The following SPIRE2 variants were observed in gnomAD, a reference collection of about 807,000 sequenced individuals.
The protein encoded by SPIRE2 is protein spire homolog 2.
A neutral mutation model predicts 80.7 loss-of-function variants in SPIRE2; 76 were observed. That is an observed-to-expected ratio of 0.94 (90% confidence interval 0.78 to 1.14). The LOEUF (loss-of-function observed/expected upper bound fraction) is 1.14. SPIRE2 is among the 50% of genes most tolerant of loss of function. The pLI, the probability that SPIRE2 is intolerant of heterozygous loss-of-function variation, is 0.00. For missense variants in SPIRE2, 1,196 were observed against 1,015.3 expected, an observed-to-expected ratio of 1.18 and a Z score of -2.42; for synonymous variants, 535 against 432.6, an observed-to-expected ratio of 1.24 and a Z score of -2.94.
Position 89,828,511 on chromosome 16 carries a change from G to C in SPIRE2, c.-40G>C. On this transcript the variant is annotated 5_prime_UTR_variant, in exon 1 of 15. Transcript: ENST00000378247. This position sits in a 1 kb window ranked among gnomAD's most constrained non-coding sequence, Gnocchi z 5.9. Reference sequence around the variant, plus strand: ...GCGCGGCGGAAGGCGCGGCTGCATGGACGCGGGTCCGGCGCGCGGGAGGCG... The same window carrying C: ...GCGCGGCGGAAGGCGCGGCTGCATGCACGCGGGTCCGGCGCGCGGGAGGCG... The C allele has an allele frequency of 2.0e-6, 2 of 1,020,086 alleles. No homozygotes were observed. Among genetic ancestry groups the C allele is most frequent in the Non-Finnish European group, 2.3e-6 (2 of 854,466 alleles). The allele number at this position is 1,020,086 out of a possible 1,614,324, so 63.2% of individuals were successfully genotyped here.
At chr16:89,859,923 G>T (rs1425809893) in intron 9 of SPIRE2, among the ~76,000 whole-genome samples, 1 of 152,180 alleles carries the variant, frequency 6.6e-6, no homozygotes, top group Non-Finnish European at 1.5e-5. Context: ...TGCCTGTGGG[G>T]CCAGAGTCTC....
chr16:89,869,663 C>T lies in SPIRE2; in HGVS notation c.1903C>T (p.Gln635Ter). 1 of 1,613,920 alleles carries T rather than the reference C, an allele frequency of 6.2e-7. No individual in the cohort carries two copies. The highest frequency in any genetic ancestry group is 8.5e-7 in the Non-Finnish European group (1 of 1,179,796). The change falls in exon 14 of 15, where the codon CAG (glutamine) becomes TAG (stop). Residue 635 changes from glutamine (Q) to a stop codon, truncating the protein, a stop_gained. Transcript: ENST00000378247. LOFTEE classifies it high-confidence loss of function. Reference sequence around the variant, plus strand: ...ATCAGCTGCCAAAACCGCGCCAATCCAGAGAAGAGACATCTTTCAGTGCGT... The same window carrying T: ...ATCAGCTGCCAAAACCGCGCCAATCTAGAGAAGAGACATCTTTCAGTGCGT... ...RVSAAKTAPIQRRDIFQSLQG... is the reference protein window; with the variant it reads ...RVSAAKTAPI
intron 1 of SPIRE2, among the ~76,000 whole-genome samples, chr16:89,834,814 A>G (rs1598216389): frequency 7.8e-6 from 1 of 127,622 alleles, no homozygotes; most frequent in South Asian, 3.0e-4. Flanking sequence ...ACCTGCCCGC[A>G]TTCGCGGTTG....
At chr16:89,829,087 G>T (rs1160047544) in intron 1 of SPIRE2, among the ~76,000 whole-genome samples, 1 of 152,238 alleles carries the variant, frequency 6.6e-6, no homozygotes, top group Non-Finnish European at 1.5e-5. Flanking sequence ...CAGTGGCCTG[G>T]CTTCCTCCGG....
chr16:89,858,339 G>C lies in SPIRE2; in HGVS notation c.1104G>C (p.Gly368=). The change falls in exon 8 of 15, where the codon GGG becomes GGC. Residue 368 remains glycine, a splice_region_variant and synonymous_variant. Transcript: ENST00000378247. ...PVRGEGWAAR[G]FGSLPCILNA... is the part of the protein sequence containing the mutation. Reference sequence around the variant, plus strand: ...CTGCCTCGGCTCCCGTCTCCCCAGGGTTTGGCTCTCTGCCCTGCATCCTCA... The same window carrying C: ...CTGCCTCGGCTCCCGTCTCCCCAGGCTTTGGCTCTCTGCCCTGCATCCTCA... The C allele has an allele frequency of 2.5e-6, 4 of 1,595,176 alleles. No individual in the cohort carries two copies. Among genetic ancestry groups the C allele is most frequent in the Admixed American group, 1.7e-5 (1 of 57,680 alleles).
At chr16:89,839,094 C>T (rs1299847083) in intron 1 of SPIRE2, among the ~76,000 whole-genome samples, 2 of 151,044 alleles carry the variant, frequency 1.3e-5, no homozygotes, top group Non-Finnish European at 2.9e-5. Context: ...GTAATCCCAG[C>T]ACTTTGGGAG....
At chr16:89,854,399 A>C (rs771146808) in intron 4 of SPIRE2, 33 bp downstream of exon 4, 141 of 1,610,794 alleles carry the variant, frequency 8.8e-5, no homozygotes, top group Non-Finnish European at 1.2e-4. Flanking sequence ...CGGGCCACTG[A>C]CGCGGCCCAG....
At position 89,863,838 on chromosome 16, in the gene SPIRE2, G is replaced by T; in HGVS notation, c.1755G>T (p.Pro585=). Reference sequence around the variant, plus strand: ...CCAAGTTCCCGCTGTTCTCGTGGCCGCCCAGCTGTCTCTTCTGCAAGAGGT... The same window carrying T: ...CCAAGTTCCCGCTGTTCTCGTGGCCTCCCAGCTGTCTCTTCTGCAAGAGGT... ...CRAKFPLFSW[P]PSCLFCKRAV... Residue 585 remains proline (P), a synonymous_variant, in exon 12 of 15, where the codon CCG becomes CCT. Transcript: ENST00000378247. This position sits in a 1 kb window ranked among gnomAD's most constrained non-coding sequence, Gnocchi z 4.3. The T allele has an allele frequency of 6.2e-7, 1 of 1,613,748 alleles. No individual in the cohort carries two copies.
At chr16:89,836,351 T>G (rs1308125510) in intron 1 of SPIRE2, 6 of 422,522 alleles carry the variant, frequency 1.4e-5, no homozygotes, top group Non-Finnish European at 2.9e-5. Flanking sequence ...GGGCCGTGAT[T>G]CTGCCGACTG....
At chr16:89,833,409 C>A (rs1314335295) in intron 1 of SPIRE2, among the ~76,000 whole-genome samples, 1 of 152,236 alleles carries the variant, frequency 6.6e-6, no homozygotes, top group Non-Finnish European at 1.5e-5. Context: ...ACAGGGTGAG[C>A]CACCGCACCC....
At chr16:89,846,994 A>C (rs1343531539) in intron 2 of SPIRE2, 1 of 150,910 alleles carries the variant, frequency 6.6e-6, no homozygotes, top group Non-Finnish European at 1.5e-5. Context: ...TAAAAAAAAA[A>C]AAACAAGAAG....
At chr16:89,858,217 C>T (rs935809897) in intron 7 of SPIRE2, 121 bp from the exon 8 acceptor site, 4 of 1,060,298 alleles carry the variant, frequency 3.8e-6, no homozygotes, top group African/African-American at 3.2e-5. Flanking sequence ...GCTGGCTAGC[C>T]CTCAGTTTCC....
chr16:89,842,964 T>C (rs920833541), intron 1 of SPIRE2, among the ~76,000 whole-genome samples: 4 of 152,254 alleles, frequency 2.6e-5, no homozygotes, highest in Non-Finnish European at 5.9e-5. Flanking sequence ...TTGAAAATAT[T>C]TGTGGAGTTA....
chr16:89,847,838 C>T (rs1450308880), intron 2 of SPIRE2, among the ~76,000 whole-genome samples: 2 of 152,178 alleles, frequency 1.3e-5, no homozygotes, highest in Admixed American at 6.5e-5. Flanking sequence ...CACAGAAGAG[C>T]TTTTATGGAC....
In SPIRE2 at chr16:89,839,992, G is replaced by C. The variant is rs893602175; in HGVS notation, c.245-5330G>C. Among the ~76,000 whole-genome samples the C allele has an allele frequency of 5.3e-5, 8 of 152,342 alleles. No individual in the cohort carries two copies. In the East Asian group the frequency reaches 1.5e-3, roughly 29 times the overall value. On this transcript the variant is annotated intron_variant, in intron 1 of 14. Coordinates refer to ENST00000378247, the MANE Select transcript of SPIRE2 (RefSeq NM_032451.2). The stretch of plus-strand genomic sequence containing the variant: ...AGCAGGAGTCATCTCTGTCCTGCAG[G>C]TGAGGAAGTGAGGTCACAGGGGCAA...
At chr16:89,854,855 A>G (rs2041674503) in intron 5 of SPIRE2, among the ~76,000 whole-genome samples, 1 of 152,194 alleles carries the variant, frequency 6.6e-6, no homozygotes, top group South Asian at 2.1e-4. Flanking sequence ...CTTCAGGGAC[A>G]GTGACCAGGC....
At chr16:89,867,546 G>C (rs1347775873) in intron 12 of SPIRE2, among the ~76,000 whole-genome samples, 1 of 150,700 alleles carries the variant, frequency 6.6e-6, no homozygotes, top group Non-Finnish European at 1.5e-5. Context: ...TCATGCCTTG[G>C]TTCAGAAACA....
intron 8 of SPIRE2, 92 bp from the exon 9 acceptor site, chr16:89,859,073 C>T (rs2041718791): frequency 6.6e-6 from 8 of 1,207,916 alleles, no homozygotes; most frequent in South Asian, 3.1e-5. Flanking sequence ...GCAGACCCTG[C>T]GGCACCCCTG....
rs993326460 is a variant in SPIRE2 at position 89,839,037 on chromosome 16, C to T, written c.245-6285C>T. ...GTCTCAAGTGGACACATCTGTGTTT[C>T]GAGTGTTAAACTGTTAGGAGGGGGC... On this transcript the variant is annotated intron_variant, in intron 1 of 14. Transcript: ENST00000378247. Among the ~76,000 whole-genome samples the T allele has an allele frequency of 3.4e-5, 5 of 149,014 alleles. No homozygotes were observed. The South Asian group carries it at 1.2e-3, about 35-fold the overall frequency.
Sources: gnomAD v4.1 joint callset for allele counts (sites outside exome capture counted in the v4.1 genomes callset) on GRCh38, gnomAD v4.1.1 for gene constraint, Gnocchi (gnomAD v3.1) non-coding constraint, MANE v1.5 for transcripts, NCBI Gene and HGNC (gene_info 2026-07-23, HGNC 2026-07-21) for gene names.